INSL6: variants seen among roughly 807,000 people sequenced by gnomAD.
INSL6 encodes insulin like 6.
Under a neutral mutation model 9.4 loss-of-function variants are expected in INSL6, and 16 were observed. That is an observed-to-expected ratio of 1.70 (90% CI 1.15 to 2.59). The LOEUF is 2.59. Among genes scored for constraint, INSL6 ranks in the 30% most tolerant of loss-of-function variants. The pLI is 0.00. For synonymous variants in INSL6, 154 were observed against 96.9 expected (o/e 1.59, Z -3.46); for missense variants, 391 against 257.3 (o/e 1.52, Z -3.56).
chr9:5,078,006 T>A, the INSL6 span, among the ~76,000 whole-genome samples: 1 of 152,300 alleles, frequency 6.6e-6, no homozygotes, highest in South Asian at 2.1e-4. Context: ...ACTGAAGTAG[T>A]ATTTCTTAAT....
the INSL6 span, among the ~76,000 whole-genome samples, chr9:5,067,989 G>A: frequency 2.0e-5 from 3 of 151,920 alleles, no homozygotes; most frequent in Non-Finnish European, 2.9e-5. Context: ...GTGAAACCCT[G>A]TCTCTACCAA....
chr9:5,021,065 A>C, the INSL6 span, among the ~76,000 whole-genome samples: 11 of 151,978 alleles, frequency 7.2e-5, no homozygotes, highest in African/African-American at 2.7e-4. Flanking sequence ...GGATTGCAGG[A>C]GTTTGCAGTG....
At chr9:5,015,389 C>T in the INSL6 span, among the ~76,000 whole-genome samples, 1 of 152,124 alleles carries the variant, frequency 6.6e-6, no homozygotes, top group African/African-American at 2.4e-5. Flanking sequence ...CATAATAATG[C>T]CAAGATGTTA....
At chr9:5,144,745 A>C (rs1405690462) in intron 2 of INSL6, among the ~76,000 whole-genome samples, 1 of 152,160 alleles carries the variant, frequency 6.6e-6, no homozygotes, top group Non-Finnish European at 1.5e-5. Context: ...GTCTTTTTAA[A>C]TCTTTGTTGG....
At chr9:4,999,794 C>T in the INSL6 span, among the ~76,000 whole-genome samples, 1 of 152,166 alleles carries the variant, frequency 6.6e-6, no homozygotes, top group Non-Finnish European at 1.5e-5. Context: ...GCTAAGTTGC[C>T]ACAATTTATC....
At chr9:5,041,994 TG>T in the INSL6 span, 1 of 357,710 alleles carries the variant, frequency 2.8e-6, no homozygotes, top group Non-Finnish European at 5.4e-6. Flanking sequence ...GTGAGGGCCT[TG>T]GGGCCCACCC....
the INSL6 span, chr9:5,099,970 C>T: frequency 6.6e-6 from 1 of 152,168 alleles, no homozygotes; most frequent in African/African-American, 2.4e-5. Flanking sequence ...GCCACTTATC[C>T]CTATACTAGT....
chr9:5,135,041 C>G (rs974622588), intron 2 of INSL6, among the ~76,000 whole-genome samples: 2 of 152,174 alleles, frequency 1.3e-5, no homozygotes, highest in Non-Finnish European at 2.9e-5. Flanking sequence ...CAATCCTAGT[C>G]TCTGATAAAA....
chr9:5,015,422 C>T, the INSL6 span, among the ~76,000 whole-genome samples: 1 of 152,182 alleles, frequency 6.6e-6, no homozygotes, highest in Admixed American at 6.5e-5. Context: ...ATTGAGTTGA[C>T]ATATGCACAA....
At chr9:5,011,438 C>T in the INSL6 span, among the ~76,000 whole-genome samples, 1 of 152,182 alleles carries the variant, frequency 6.6e-6, no homozygotes, top group South Asian at 2.1e-4. Context: ...AATCCTCCTG[C>T]CTTGGCCTCC....
the INSL6 span, among the ~76,000 whole-genome samples, chr9:5,071,025 A>G: frequency 2.6e-5 from 4 of 152,128 alleles, no homozygotes; most frequent in Non-Finnish European, 5.9e-5. Context: ...GAAAAGGAAT[A>G]TTGTCATTTT....
At chr9:5,176,706 C>T (rs981682051) in intron 1 of INSL6, among the ~76,000 whole-genome samples, 1 of 119,490 alleles carries the variant, frequency 8.4e-6, no homozygotes, top group African/African-American at 3.6e-5. Context: ...GGGAACAAAA[C>T]AAGAAATCAA....
At chr9:5,172,227 T>C (rs1028578342) in intron 1 of INSL6, among the ~76,000 whole-genome samples, 1 of 152,038 alleles carries the variant, frequency 6.6e-6, no homozygotes, top group African/African-American at 2.4e-5. Context: ...TGACAAAAAA[T>C]AGCAATGGGC....
chr9:5,110,956 G>C, the INSL6 span: 2 of 596,596 alleles, frequency 3.4e-6, no homozygotes. Context: ...CACGGACAAG[G>C]AGCTCAGTAA....
At chr9:5,130,921 G>A (rs969183897) in intron 3 of INSL6, among the ~76,000 whole-genome samples, 8 of 150,830 alleles carry the variant, frequency 5.3e-5, no homozygotes, top group East Asian at 1.9e-4. Flanking sequence ...AGTAGAGACG[G>A]GGTTTCACTG....
chr9:5,075,490 G>A, the INSL6 span, among the ~76,000 whole-genome samples: 3 of 152,128 alleles, frequency 2.0e-5, no homozygotes, highest in Admixed American at 6.5e-5. Context: ...AGGGCTCTGC[G>A]AATTATGCTA....
the INSL6 span, among the ~76,000 whole-genome samples, chr9:4,999,748 G>A: frequency 6.6e-6 from 1 of 152,160 alleles, no homozygotes; most frequent in African/African-American, 2.4e-5. Context: ...CGTGCCTGGT[G>A]TACATCATTT....
intron 1 of INSL6, among the ~76,000 whole-genome samples, chr9:5,181,048 C>T (rs183297897): frequency 7.2e-5 from 11 of 152,274 alleles, no homozygotes; most frequent in African/African-American, 2.2e-4. Flanking sequence ...TTTCTTTGTA[C>T]TCTTTATTTC....
chr9:5,114,119 G>C, the INSL6 span: 4 of 359,616 alleles, frequency 1.1e-5, no homozygotes, highest in South Asian at 1.1e-4. Flanking sequence ...ACACCTGCCA[G>C]GTCACCTATC....
Sources: gnomAD v4.1 joint callset for allele counts (sites outside exome capture counted in the v4.1 genomes callset) on GRCh38, gnomAD v4.1.1 for gene constraint, MANE v1.5 for transcripts, NCBI Gene and HGNC (gene_info 2026-07-23, HGNC 2026-07-21) for gene names.